The following PLPP1 variants were observed in gnomAD, a reference collection of about 807,000 sequenced individuals.
PLPP1 encodes the protein phospholipid phosphatase 1.
PLPP1 carries 24 observed loss-of-function variants against 31.2 expected under a neutral mutation model. The observed-to-expected ratio is 0.77, with a 90% CI of 0.56 to 1.08. PLPP1 has a LOEUF of 1.08. Among genes scored for constraint, PLPP1 ranks in the 50% least tolerant of loss-of-function variants. The pLI, the probability that PLPP1 is intolerant of heterozygous loss-of-function variation, is 0.00. For missense variants in PLPP1, 319 were observed against 342.7 expected, an observed-to-expected ratio of 0.93 and a Z score of 0.55; for synonymous variants, 146 against 126.3, an observed-to-expected ratio of 1.16 and a Z score of -1.05.
At chr5:55,507,847 ATC>A (rs1343804542) in intron 1 of PLPP1, among the ~76,000 whole-genome samples, 1 of 125,358 alleles carries the variant, frequency 8.0e-6, no homozygotes, top group Admixed American at 9.8e-5. Flanking sequence ...CTGCACACTG[ATC>A]ACTGAAAACT....
At chr5:55,429,722 A>G (rs1174974534) in intron 4 of PLPP1, among the ~76,000 whole-genome samples, 1 of 152,054 alleles carries the variant, frequency 6.6e-6, no homozygotes, top group Non-Finnish European at 1.5e-5. Context: ...AAGCCCCATT[A>G]AAGTCCCCCA....
At chr5:55,458,924 C>G (rs1554038266) in intron 3 of PLPP1, among the ~76,000 whole-genome samples, 1 of 91,962 alleles carries the variant, frequency 1.1e-5, no homozygotes, top group South Asian at 3.6e-4. Flanking sequence ...AAACACATAG[C>G]AAAATGGCAG....
At chr5:55,442,635 G>A (rs1244418256) in intron 3 of PLPP1, among the ~76,000 whole-genome samples, 2 of 135,944 alleles carry the variant, frequency 1.5e-5, no homozygotes, top group Non-Finnish European at 3.2e-5. Flanking sequence ...CTGGGTGACA[G>A]AGGGAGACGC....
At chr5:55,471,803 G>T (rs1190035303) in intron 2 of PLPP1, among the ~76,000 whole-genome samples, 1 of 152,128 alleles carries the variant, frequency 6.6e-6, no homozygotes, top group Non-Finnish European at 1.5e-5. Context: ...CTGAGTTAAT[G>T]AATAAAATTG....
intron 1 of PLPP1, among the ~76,000 whole-genome samples, chr5:55,524,723 T>C (rs1367303296): frequency 6.6e-6 from 1 of 152,070 alleles, no homozygotes; most frequent in African/African-American, 2.4e-5. Flanking sequence ...GGCAGGAGAA[T>C]CGCTTGTACC....
chr5:55,534,879 C>T lies in PLPP1; in HGVS notation c.-250G>A. On this transcript the variant is annotated 5_prime_UTR_variant, in exon 1 of 6. Coordinates refer to ENST00000307259, the MANE Select transcript of PLPP1 (RefSeq NM_003711.4). Reference sequence around the variant, plus strand: ...TAGTGCCGAGGCGCTCGTGTGCCAGCCGCGGCAGCTCTGTAGCCTCAGGAC... The same window carrying T: ...TAGTGCCGAGGCGCTCGTGTGCCAGTCGCGGCAGCTCTGTAGCCTCAGGAC... 2.0e-6 allele frequency: 1 copy of T among 492,960 alleles called. No homozygotes were observed. The highest frequency in any genetic ancestry group is 2.7e-5 in the South Asian group (1 of 36,578). The allele number at this position is 492,960 out of a possible 1,614,324, so 30.5% of individuals were successfully genotyped here.
At chr5:55,432,339 A>C (rs1372620896) in intron 4 of PLPP1, among the ~76,000 whole-genome samples, 1 of 152,168 alleles carries the variant, frequency 6.6e-6, no homozygotes, top group African/African-American at 2.4e-5. Context: ...TTCAATCAGG[A>C]AGAAATAGAA....
At chr5:55,529,022 A>T (rs1740566040) in intron 1 of PLPP1, among the ~76,000 whole-genome samples, 1 of 152,160 alleles carries the variant, frequency 6.6e-6, no homozygotes, top group Non-Finnish European at 1.5e-5. Context: ...AGAATAAGAA[A>T]TGAGCACCAT....
intron 1 of PLPP1, among the ~76,000 whole-genome samples, chr5:55,486,912 CA>C (rs1047753776): frequency 8.7e-4 from 120 of 138,626 alleles, no homozygotes; most frequent in Non-Finnish European, 9.5e-4. Context: ...GACTCCACCT[CA>C]AAAAAAAAAA....
intron 3 of PLPP1, among the ~76,000 whole-genome samples, chr5:55,460,702 C>A (rs1489373069): frequency 1.3e-5 from 2 of 152,026 alleles, no homozygotes; most frequent in African/African-American, 4.8e-5. Context: ...AAAGATTATT[C>A]GAGCCTGAAG....
At chr5:55,474,001 T>TTGTTTG (rs1311437007) in intron 2 of PLPP1, among the ~76,000 whole-genome samples, 9 of 138,528 alleles carry the variant, frequency 6.5e-5, no homozygotes, top group African/African-American at 1.6e-4. Context: ...TTTGTTGTTT[T>TTGTTTG]TTTTTTTTTT....
chr5:55,533,257 C>A (rs1478080784), intron 1 of PLPP1, among the ~76,000 whole-genome samples: 1 of 151,628 alleles, frequency 6.6e-6, no homozygotes, highest in Non-Finnish European at 1.5e-5. Flanking sequence ...GGTGGCGGTG[C>A]CTGTAATCCC....
chr5:55,438,725 C>T (rs1751551914), intron 4 of PLPP1, among the ~76,000 whole-genome samples: 1 of 152,066 alleles, frequency 6.6e-6, no homozygotes, highest in Non-Finnish European at 1.5e-5. Context: ...CACGGTAAAA[C>T]CCTGTCTCTA....
chr5:55,431,310 T>C (rs149906698), intron 4 of PLPP1, among the ~76,000 whole-genome samples: 1 of 152,300 alleles, frequency 6.6e-6, no homozygotes, highest in Non-Finnish European at 1.5e-5. Context: ...TCAAGTCACT[T>C]AGAAGGGGAA....
At chr5:55,469,705 A>G (rs182691720) in intron 2 of PLPP1, among the ~76,000 whole-genome samples, 1 of 152,296 alleles carries the variant, frequency 6.6e-6, no homozygotes, top group East Asian at 1.9e-4. Context: ...TCTTCAGAGT[A>G]AGTCTTACCA....
intron 3 of PLPP1, among the ~76,000 whole-genome samples, chr5:55,465,596 T>C (rs1450656682): frequency 6.6e-6 from 1 of 152,168 alleles, no homozygotes; most frequent in Non-Finnish European, 1.5e-5. Context: ...GTTTACGAAT[T>C]TGTGTTGGGC....
intron 3 of PLPP1, among the ~76,000 whole-genome samples, chr5:55,458,930 G>A (rs1355359681): frequency 6.0e-5 from 7 of 115,776 alleles, no homozygotes; most frequent in African/African-American, 1.9e-4. Flanking sequence ...ATAGCAAAAT[G>A]GCAGAAAAAT....
At chr5:55,462,532 T>A (rs1221789752) in intron 3 of PLPP1, among the ~76,000 whole-genome samples, 1 of 152,124 alleles carries the variant, frequency 6.6e-6, no homozygotes, top group Non-Finnish European at 1.5e-5. Context: ...ATCATAAAAC[T>A]TATTTTAAAA....
Position 55,428,485 on chromosome 5 carries a change from A to C in PLPP1, c.550-2446T>G, listed in dbSNP as rs573996991. Among the ~76,000 whole-genome samples the C allele has an allele frequency of 2.6e-5, 4 of 152,244 alleles. No homozygotes were observed. The South Asian group carries it at 8.3e-4, about 32-fold the overall frequency. ...AATCCGGACTGGCTTTTCCCCTCCC[A>C]CCTTGCCAGCAAAAGTTTCCTATAT... On this transcript the variant is annotated intron_variant, in intron 4 of 5. Transcript: ENST00000307259.
Sources: gnomAD v4.1 joint callset for allele counts (sites outside exome capture counted in the v4.1 genomes callset) on GRCh38, gnomAD v4.1.1 for gene constraint, MANE v1.5 for transcripts, NCBI Gene and HGNC (gene_info 2026-07-23, HGNC 2026-07-21) for gene names.